Variants in ATOSA observed in about 807,000 individuals in gnomAD.
The protein encoded by ATOSA is atos homolog A.
chr15:52,699,404 T>C, the ATOSA span, among the ~76,000 whole-genome samples: 4 of 151,936 alleles, frequency 2.6e-5, no homozygotes, highest in Non-Finnish European at 5.9e-5. Flanking sequence ...ATGGTCATCC[T>C]TGATGGGTCC....
At chr15:52,608,934 T>C in the ATOSA span, 1 of 1,606,796 alleles carries the variant, frequency 6.2e-7, no homozygotes. Flanking sequence ...TCTCATTTAT[T>C]ATTTTTTCCT....
chr15:52,675,666 T>C, the ATOSA span, among the ~76,000 whole-genome samples: 2 of 152,164 alleles, frequency 1.3e-5, no homozygotes, highest in Non-Finnish European at 2.9e-5. Flanking sequence ...CCCAGCACAC[T>C]GGGAGGCCGA....
At chr15:52,635,826 T>A in the ATOSA span, among the ~76,000 whole-genome samples, 2 of 151,668 alleles carry the variant, frequency 1.3e-5, no homozygotes, top group Admixed American at 6.6e-5. Flanking sequence ...TGAAACCCCA[T>A]CTCTACTAAA....
the ATOSA span, among the ~76,000 whole-genome samples, chr15:52,615,047 G>T: frequency 1.3e-5 from 2 of 151,974 alleles, no homozygotes; most frequent in African/African-American, 4.8e-5. Context: ...TAGTTCCTTA[G>T]TCTCACAGCA....
chr15:52,675,849 T>C, the ATOSA span, among the ~76,000 whole-genome samples: 1 of 149,552 alleles, frequency 6.7e-6, no homozygotes, highest in Non-Finnish European at 1.5e-5. Flanking sequence ...GAGCTTGCAG[T>C]GAGCGGAGAT....
At chr15:52,684,036 C>A in the ATOSA span, among the ~76,000 whole-genome samples, 2 of 152,196 alleles carry the variant, frequency 1.3e-5, no homozygotes, top group African/African-American at 4.8e-5. Flanking sequence ...GGCAGATGGA[C>A]TGACTTCCAA....
chr15:52,601,037 T>A, the ATOSA span: 3 of 1,183,240 alleles, frequency 2.5e-6, no homozygotes, highest in Non-Finnish European at 3.6e-6. Flanking sequence ...AAGACCAGAA[T>A]TTTGTGAAAT....
At chr15:52,584,090 GAAAAAAAAAA>G in the ATOSA span, among the ~76,000 whole-genome samples, 2 of 41,882 alleles carry the variant, frequency 4.8e-5, no homozygotes, top group Non-Finnish European at 1.1e-4. Flanking sequence ...GTCTCAAGAA[GAAAAAAAAAA>G]AAAAAAAAAA....
the ATOSA span, among the ~76,000 whole-genome samples, chr15:52,683,459 T>G: frequency 1.3e-5 from 2 of 152,212 alleles, no homozygotes; most frequent in Non-Finnish European, 2.9e-5. Context: ...TTGGTTGATA[T>G]ACACTTAGGC....
chr15:52,654,646 C>A, the ATOSA span, among the ~76,000 whole-genome samples: 1 of 152,134 alleles, frequency 6.6e-6, no homozygotes, highest in African/African-American at 2.4e-5. Flanking sequence ...ACATACCATG[C>A]TCCTGTAGGG....
the ATOSA span, among the ~76,000 whole-genome samples, chr15:52,686,318 T>C: frequency 6.6e-6 from 1 of 152,246 alleles, no homozygotes; most frequent in Non-Finnish European, 1.5e-5. Flanking sequence ...ACTTGAAAAG[T>C]AGATATAAAC....
chr15:52,697,247 G>A, the ATOSA span, among the ~76,000 whole-genome samples: 1 of 152,116 alleles, frequency 6.6e-6, no homozygotes, highest in South Asian at 2.1e-4. Flanking sequence ...GCACAACCAT[G>A]GAAACTCTTG....
chr15:52,671,900 T>C, the ATOSA span, among the ~76,000 whole-genome samples: 2 of 151,066 alleles, frequency 1.3e-5, no homozygotes, highest in Non-Finnish European at 2.9e-5. Flanking sequence ...GGGGAAGAGA[T>C]GAGTATCTTT....
the ATOSA span, among the ~76,000 whole-genome samples, chr15:52,623,301 T>C: frequency 3.3e-5 from 5 of 152,088 alleles, no homozygotes; most frequent in African/African-American, 7.2e-5. Context: ...CATTTTAAAA[T>C]GTACATTTAA....
chr15:52,686,336 G>A, the ATOSA span, among the ~76,000 whole-genome samples: 5 of 152,226 alleles, frequency 3.3e-5, no homozygotes, highest in African/African-American at 1.2e-4. Context: ...AACAGCAGCA[G>A]TGATCTCCAT....
At chr15:52,705,600 G>C in the ATOSA span, among the ~76,000 whole-genome samples, 1 of 152,074 alleles carries the variant, frequency 6.6e-6, no homozygotes, top group African/African-American at 2.4e-5. Flanking sequence ...TTGTAAATGA[G>C]GTATAACAGG....
At chr15:52,666,698 G>T in the ATOSA span, among the ~76,000 whole-genome samples, 1 of 152,186 alleles carries the variant, frequency 6.6e-6, no homozygotes, top group Non-Finnish European at 1.5e-5. Flanking sequence ...AACATTTATT[G>T]AAGAGCCACT....
chr15:52,657,285 A>G, the ATOSA span: 1 of 152,230 alleles, frequency 6.6e-6, no homozygotes, highest in Non-Finnish European at 1.5e-5. Context: ...GAATGTTAAC[A>G]GAAATCTGGT....
chr15:52,652,361 CAAA>C, the ATOSA span, among the ~76,000 whole-genome samples: 13 of 152,116 alleles, frequency 8.5e-5, no homozygotes, highest in African/African-American at 3.1e-4. Context: ...AAACTGAAGA[CAAA>C]GAAGGGTTGT....
Sources: gnomAD v4.1 joint callset for allele counts (sites outside exome capture counted in the v4.1 genomes callset) on GRCh38, gnomAD v4.1.1 for gene constraint, MANE v1.5 for transcripts, NCBI Gene and HGNC (gene_info 2026-07-23, HGNC 2026-07-21) for gene names.